DLC1: variants seen among roughly 807,000 people sequenced by gnomAD.
DLC1 encodes the protein rho GTPase-activating protein 7.
A neutral mutation model predicts 140.3 loss-of-function variants in DLC1; 54 were observed. The ratio of observed to expected loss-of-function variants is 0.38; its 90% CI spans 0.31 to 0.48. The LOEUF (loss-of-function observed/expected upper bound fraction) is 0.48. Ranked by LOEUF, DLC1 falls within the 20% of genes least tolerant of loss-of-function variation. The probability of loss-of-function intolerance (pLI) is 0.96; values close to 1 mark genes in which losing one functional copy is unlikely to be tolerated. For missense variants in DLC1, 2,536 were observed against 1,907.0 expected (o/e 1.33, Z -6.14); for synonymous variants, 986 against 728.1 (o/e 1.35, Z -5.70).
intron 7 of DLC1, among the ~76,000 whole-genome samples, chr8:13,107,815 G>GC (rs1819698401): frequency 6.6e-6 from 1 of 152,154 alleles, no homozygotes; most frequent in African/African-American, 2.4e-5. Flanking sequence ...CCCTTTGGGA[G>GC]CCCAAGGCAG....
chr8:13,110,910 T>G, intron 6 of DLC1, 87 bp from the exon 7 acceptor site: 2 of 1,186,880 alleles, frequency 1.7e-6, no homozygotes, highest in Non-Finnish European at 1.3e-6. Context: ...GGGATAAAAC[T>G]CTTCAGCAAT....
intron 4 of DLC1, among the ~76,000 whole-genome samples, chr8:13,355,402 A>G (rs1834889309): frequency 6.6e-6 from 1 of 152,204 alleles, no homozygotes; most frequent in Non-Finnish European, 1.5e-5. Context: ...TGACAAAATA[A>G]CAAGCACTAC....
intron 5 of DLC1, among the ~76,000 whole-genome samples, chr8:13,267,840 T>G (rs185621242): frequency 3.4e-4 from 51 of 151,796 alleles, no homozygotes; most frequent in Non-Finnish European, 5.0e-4. Context: ...AAGGGTTACA[T>G]TATGGTATCA....
intron 1 of DLC1, among the ~76,000 whole-genome samples, chr8:13,595,716 G>GA (rs1264337799): frequency 1.3e-5 from 2 of 151,968 alleles, no homozygotes; most frequent in Non-Finnish European, 2.9e-5. Context: ...TACTAATTGT[G>GA]AAAATATGTA....
intron 5 of DLC1, among the ~76,000 whole-genome samples, chr8:13,224,354 CAGA>C (rs570703306): frequency 4.6e-5 from 7 of 152,136 alleles, no homozygotes; most frequent in Non-Finnish European, 1.0e-4. Context: ...TCCGGTTGGT[CAGA>C]AGAACTTGTC....
intron 5 of DLC1, among the ~76,000 whole-genome samples, chr8:13,140,953 C>A (rs1039049806): frequency 6.6e-6 from 1 of 152,058 alleles, no homozygotes; most frequent in African/African-American, 2.4e-5. Context: ...TAGAGTGAGG[C>A]CTCTATAAAA....
chr8:13,211,280 T>C (rs1449904476), intron 5 of DLC1, among the ~76,000 whole-genome samples: 2 of 152,220 alleles, frequency 1.3e-5, no homozygotes, highest in East Asian at 1.9e-4. Flanking sequence ...TAGCCATCAA[T>C]GCACAAGGGC....
At chr8:13,146,302 G>C (rs577361596) in intron 5 of DLC1, among the ~76,000 whole-genome samples, 2 of 151,272 alleles carry the variant, frequency 1.3e-5, no homozygotes, top group East Asian at 3.9e-4. Context: ...ACTGTAATAC[G>C]TAATAGTTGT....
At chr8:13,527,702 C>T (rs1802963187) in intron 1 of DLC1, among the ~76,000 whole-genome samples, 1 of 151,964 alleles carries the variant, frequency 6.6e-6, no homozygotes, top group African/African-American at 2.4e-5. Context: ...TTATATTTTC[C>T]TGTAATGTTT....
At chr8:13,333,374 C>T (rs1333896618) in intron 4 of DLC1, among the ~76,000 whole-genome samples, 2 of 151,636 alleles carry the variant, frequency 1.3e-5, no homozygotes, top group Non-Finnish European at 2.9e-5. Flanking sequence ...TACACCTGAG[C>T]ACCACCGTGC....
In DLC1 at chr8:13,499,451, T is replaced by G. The variant is rs753636171; in HGVS notation, c.621A>C (p.Lys207Asn). ...CGTTCAAAGTATCCACTGCATTTAC[T>G]TTGGGTGCATCTTTTATTTCACTTA... ...ISLSEIKDAP[K>N]VNAVDTLNVK... Residue 207 changes from lysine (K) to asparagine (N), a missense_variant, in exon 2 of 18, where the codon AAA becomes AAC. Physicochemically the swap from Lys to Asn is moderately conservative, Grantham distance 94 (BLOSUM62 0). Transcript: ENST00000276297. The G allele has an allele frequency of 6.2e-7, 1 of 1,614,080 alleles. No individual in the cohort carries two copies. Among genetic ancestry groups the G allele is most frequent in the Non-Finnish European group, 8.5e-7 (1 of 1,180,004 alleles).
intron 4 of DLC1, chr8:13,340,581 CA>C (rs1833996018): frequency 6.6e-6 from 1 of 152,190 alleles, no homozygotes; most frequent in Non-Finnish European, 1.5e-5. Flanking sequence ...AAAACAAAAA[CA>C]AACTATTTTT....
Position 13,453,450 on chromosome 8 carries a change from A to ATGTG in DLC1, c.1023+45598_1023+45599insCACA, listed in dbSNP as rs1563360165. On this transcript the variant is annotated intron_variant, in intron 2 of 17. Transcript: ENST00000276297. ...TGTATATATATATGTATATATATAC[A>ATGTG]TATATATATGTATATATATACATAT... Among the ~76,000 whole-genome samples the ATGTG allele has an allele frequency of 2.3e-4, 6 of 25,908 alleles. 1 individual carries two copies. The highest frequency in any genetic ancestry group is 1.1e-3 in the African/African-American group (5 of 4,724). The allele number at this position is 25,908 out of a possible 152,430, so 17.0% of individuals were successfully genotyped here. A position where few individuals can be genotyped will look rare whatever the true frequency, so the allele number is the denominator to read the frequency against.
intron 1 of DLC1, among the ~76,000 whole-genome samples, chr8:13,596,872 T>C (rs1219558468): frequency 6.6e-6 from 1 of 152,010 alleles, no homozygotes; most frequent in African/African-American, 2.4e-5. Context: ...GAGGTAATTA[T>C]TTTAGAATCA....
intron 5 of DLC1, among the ~76,000 whole-genome samples, chr8:13,194,239 G>A (rs1826926012): frequency 6.6e-6 from 1 of 152,212 alleles, no homozygotes; most frequent in African/African-American, 2.4e-5. Flanking sequence ...TCAGGAAACT[G>A]AGAGGACTGC....
At chr8:13,215,477 T>C (rs961942670) in intron 5 of DLC1, among the ~76,000 whole-genome samples, 1 of 152,072 alleles carries the variant, frequency 6.6e-6, no homozygotes, top group Non-Finnish European at 1.5e-5. Flanking sequence ...TCACAGCTAC[T>C]TGGGAGGCTG....
At chr8:13,277,110 C>G (rs190644429) in intron 5 of DLC1, among the ~76,000 whole-genome samples, 1 of 152,098 alleles carries the variant, frequency 6.6e-6, no homozygotes, top group African/African-American at 2.4e-5. Flanking sequence ...CACTTGAGGC[C>G]AGGAGCTTGA....
At chr8:13,573,546 A>G (rs1363650155) in intron 1 of DLC1, among the ~76,000 whole-genome samples, 1 of 152,198 alleles carries the variant, frequency 6.6e-6, no homozygotes, top group Non-Finnish European at 1.5e-5. Flanking sequence ...TTAGGGAAGA[A>G]CTTGCAGTCT....
intron 16 of DLC1, among the ~76,000 whole-genome samples, chr8:13,087,304 AG>A (rs1289359408): frequency 6.6e-6 from 1 of 152,164 alleles, no homozygotes; most frequent in East Asian, 1.9e-4. Context: ...TGGGAGGCTG[AG>A]GGGGGAGGAT....
Sources: allele counts gnomAD v4.1 joint callset (sites outside exome capture counted in the v4.1 genomes callset), GRCh38; gene constraint gnomAD v4.1.1; transcripts MANE v1.5; gene names NCBI Gene and HGNC (gene_info 2026-07-23, HGNC 2026-07-21).